RFX3: variants seen among roughly 807,000 people sequenced by gnomAD.
The protein encoded by RFX3 is regulatory factor X3.
Under a neutral mutation model 98.6 loss-of-function variants are expected in RFX3, and 14 were observed. The observed-to-expected ratio is 0.14, with a 90% CI of 0.09 to 0.22. The LOEUF (loss-of-function observed/expected upper bound fraction) is 0.22, where lower values mean the gene tolerates loss of function less well. Ranked by LOEUF, RFX3 falls within the 10% of genes least tolerant of loss-of-function variation. RFX3 has a pLI of 1.00. For missense variants in RFX3, 639 were observed against 926.9 expected (o/e 0.69, Z 4.03); for synonymous variants, 383 against 328.4 (o/e 1.17, Z -1.80).
chr9:3,256,174 G>A (rs1039809074), intron 14 of RFX3, among the ~76,000 whole-genome samples: 2 of 151,988 alleles, frequency 1.3e-5, no homozygotes, highest in African/African-American at 2.4e-5. Flanking sequence ...GTTTTACCGT[G>A]TTAGCGAGGA....
chr9:3,359,628 G>T (rs537140909), intron 2 of RFX3, among the ~76,000 whole-genome samples: 1 of 152,226 alleles, frequency 6.6e-6, no homozygotes, highest in South Asian at 2.1e-4. Context: ...TATGTTCCCA[G>T]AGTTCAGCAC....
intron 1 of RFX3, among the ~76,000 whole-genome samples, chr9:3,463,924 G>A (rs541246672): frequency 7.2e-5 from 11 of 152,058 alleles, no homozygotes; most frequent in Non-Finnish European, 1.6e-4. Context: ...AGGGAGCTGT[G>A]ATCATGCCAC....
intron 4 of RFX3, among the ~76,000 whole-genome samples, chr9:3,304,987 T>A (rs953521281): frequency 3.3e-5 from 5 of 151,994 alleles, no homozygotes; most frequent in East Asian, 1.9e-4. Context: ...TTGGAAAAAA[T>A]ATATATAAGA....
At chr9:3,271,978 ACCT>A (rs1359468473) in intron 9 of RFX3, among the ~76,000 whole-genome samples, 1 of 151,444 alleles carries the variant, frequency 6.6e-6, no homozygotes, top group East Asian at 1.9e-4. Flanking sequence ...CGGGGGCCTC[ACCT>A]CCTCTTTCTC....
intron 1 of RFX3, among the ~76,000 whole-genome samples, chr9:3,495,718 C>G (rs1256533115): frequency 6.6e-6 from 1 of 152,026 alleles, no homozygotes; most frequent in Non-Finnish European, 1.5e-5. Context: ...CAATGTTAAG[C>G]ATGTTCTGTG....
At chr9:3,251,331 A>T (rs1821366836) in intron 14 of RFX3, among the ~76,000 whole-genome samples, 1 of 152,094 alleles carries the variant, frequency 6.6e-6, no homozygotes, top group Non-Finnish European at 1.5e-5. Flanking sequence ...TTCCTAGATT[A>T]TCTTTTTAAA....
chr9:3,508,623 T>C (rs1419503603), intron 1 of RFX3, among the ~76,000 whole-genome samples: 1 of 151,934 alleles, frequency 6.6e-6, no homozygotes, highest in Non-Finnish European at 1.5e-5. Flanking sequence ...CCCTTTTTGT[T>C]GAAGGTGAGG....
intron 4 of RFX3, among the ~76,000 whole-genome samples, chr9:3,309,447 G>A (rs1428081545): frequency 1.3e-5 from 2 of 152,120 alleles, no homozygotes; most frequent in African/African-American, 4.8e-5. Context: ...TGCCTTGTTG[G>A]AATGAAGGAC....
At chr9:3,508,544 A>C (rs1005381417) in intron 1 of RFX3, among the ~76,000 whole-genome samples, 1 of 151,966 alleles carries the variant, frequency 6.6e-6, no homozygotes, top group African/African-American at 2.4e-5. Context: ...AAGAATAAAA[A>C]AGAGGAACTT....
chr9:3,269,895 G>A (rs1717556340), intron 11 of RFX3, among the ~76,000 whole-genome samples: 1 of 152,048 alleles, frequency 6.6e-6, no homozygotes, highest in Non-Finnish European at 1.5e-5. Context: ...CCGTGAAGGA[G>A]GTTGGCCTAG....
chr9:3,460,538 T>C (rs1288258870), intron 1 of RFX3, among the ~76,000 whole-genome samples: 1 of 152,032 alleles, frequency 6.6e-6, no homozygotes, highest in African/African-American at 2.4e-5. Context: ...TTAAAAAATA[T>C]AATTTTCAAT....
intron 2 of RFX3, among the ~76,000 whole-genome samples, chr9:3,357,255 G>C (rs774447438): frequency 2.0e-5 from 3 of 151,680 alleles, no homozygotes; most frequent in East Asian, 3.9e-4. Flanking sequence ...TAGCCTCTCC[G>C]CTCCTTTATA....
intron 1 of RFX3, among the ~76,000 whole-genome samples, chr9:3,521,364 A>T (rs1318654419): frequency 2.0e-5 from 3 of 152,292 alleles, no homozygotes; most frequent in East Asian, 3.9e-4. Context: ...TAAAACTGCC[A>T]ATTAAGATAG....
intron 1 of RFX3, among the ~76,000 whole-genome samples, chr9:3,460,042 TGTTCA>T (rs1847549767): frequency 6.6e-6 from 1 of 152,004 alleles, no homozygotes; most frequent in African/African-American, 2.4e-5. Context: ...TTATAACAAA[TGTTCA>T]ACTTCAAAAG....
intron 15 of RFX3, among the ~76,000 whole-genome samples, chr9:3,232,817 G>A (rs1818649897): frequency 6.6e-6 from 1 of 151,660 alleles, no homozygotes; most frequent in African/African-American, 2.4e-5. Flanking sequence ...GATGGGATGT[G>A]GGGTGAGAGA....
At chr9:3,464,463 G>C (rs899859753) in intron 1 of RFX3, among the ~76,000 whole-genome samples, 1 of 152,100 alleles carries the variant, frequency 6.6e-6, no homozygotes, top group Non-Finnish European at 1.5e-5. Context: ...CAATAAAAAG[G>C]AACAAACTGC....
At chr9:3,345,435 G>A (rs1774660008) in intron 3 of RFX3, among the ~76,000 whole-genome samples, 1 of 152,164 alleles carries the variant, frequency 6.6e-6, no homozygotes, top group Non-Finnish European at 1.5e-5. Context: ...AATGGAGGTA[G>A]TGTTAGGCAG....
rs572510153 is a variant in RFX3, at chr9:3,260,890, T to C, written c.1605+2045A>G. 8.7e-5 allele frequency among the ~76,000 whole-genome samples: 13 copies of C among 150,012 alleles called. No individual in the cohort carries two copies. In the East Asian group the frequency reaches 2.5e-3, roughly 29 times the overall value. On this transcript the variant is annotated intron_variant, in intron 13 of 16. Transcript: ENST00000617270. ...AGATATAAATATCTAATATAAAATA[T>C]TAGATAGATATAGATCTCTCTCTCT... is the stretch of plus-strand genomic sequence containing the variant.
At chr9:3,247,717 A>G in intron 15 of RFX3, 1 of 1,519,548 alleles carries the variant, frequency 6.6e-7, no homozygotes, top group African/African-American at 1.4e-5. Context: ...AGGAGCACCA[A>G]TCTTTTTCCC....
Sources: allele counts gnomAD v4.1 joint callset (sites outside exome capture counted in the v4.1 genomes callset), GRCh38; gene constraint gnomAD v4.1.1; transcripts MANE v1.5; gene names NCBI Gene and HGNC (gene_info 2026-07-23, HGNC 2026-07-21).